Variants in PSMC2 observed in about 807,000 individuals in gnomAD.
The protein encoded by PSMC2 is 26S proteasome regulatory subunit 7.
A neutral mutation model predicts 53.3 loss-of-function variants in PSMC2; 7 were observed. The observed-to-expected ratio is 0.13, with a 90% confidence interval of 0.07 to 0.25. The LOEUF (loss-of-function observed/expected upper bound fraction) is 0.25. Ranked by LOEUF, PSMC2 falls within the 10% of genes least tolerant of loss-of-function variation. PSMC2 has a pLI of 1.00. For missense variants in PSMC2, 241 were observed against 544.0 expected (o/e 0.44, Z 5.54); for synonymous variants, 169 against 183.9 (o/e 0.92, Z 0.66).
chr7:103,348,761 A>T, intron 1 of PSMC2: 1 of 1,090,962 alleles, frequency 9.2e-7, no homozygotes, highest in Non-Finnish European at 1.4e-6. Flanking sequence ...GGTTTCATTA[A>T]GTTGGACTAA....
At position 103,364,132 on chromosome 7, in the gene PSMC2, C is replaced by T. The variant is rs1563494674; in HGVS notation, c.592-11C>T. On this transcript the variant is annotated splice_polypyrimidine_tract_variant and intron_variant, in intron 7 of 11. Coordinates refer to ENST00000292644, the MANE Select transcript of PSMC2 (RefSeq NM_002803.4). ...GAAGTGGTAAGTGTGAAAATTGTGT[C>T]TCTATCACAGCCAGAGAGGTTTGTG... The T allele has an allele frequency of 6.2e-7, 1 of 1,611,118 alleles. No individual in the cohort carries two copies. The highest frequency in any genetic ancestry group is 1.1e-5 in the South Asian group (1 of 90,340).
intron 4 of PSMC2, among the ~76,000 whole-genome samples, chr7:103,358,846 A>C (rs1222875408): frequency 6.6e-6 from 1 of 152,178 alleles, no homozygotes; most frequent in Non-Finnish European, 1.5e-5. Flanking sequence ...AGACTAGCTA[A>C]AGAGCCCTAT....
chr7:103,366,366 C>T (rs1820719924), intron 9 of PSMC2, among the ~76,000 whole-genome samples: 1 of 152,108 alleles, frequency 6.6e-6, no homozygotes, highest in Non-Finnish European at 1.5e-5. Context: ...GTCATTTTTT[C>T]AAAGCCTTTA....
At chr7:103,359,928 A>T (rs1042189320) in intron 4 of PSMC2, among the ~76,000 whole-genome samples, 2 of 151,976 alleles carry the variant, frequency 1.3e-5, no homozygotes, top group East Asian at 3.9e-4. Context: ...AAAATATAAA[A>T]ATATTAGCTG....
chr7:103,355,404 G>T (rs1040184224), intron 3 of PSMC2, among the ~76,000 whole-genome samples: 2 of 152,136 alleles, frequency 1.3e-5, no homozygotes, highest in Non-Finnish European at 2.9e-5. Context: ...TTACTTTAGG[G>T]CAGGGTGTAG....
chr7:103,354,737 T>C (rs1465297423), intron 2 of PSMC2, 131 bp from the exon 3 acceptor site: 5 of 617,700 alleles, frequency 8.1e-6, no homozygotes, highest in African/African-American at 1.9e-5. Flanking sequence ...GGGTCAGGAA[T>C]ACCTCTCTAC....
chr7:103,362,114 C>G lies in PSMC2; in HGVS notation c.422+26C>G, dbSNP rs774771481. 2.2e-5 allele frequency: 35 copies of G among 1,610,658 alleles called. No homozygotes were observed. In the South Asian group the frequency reaches 3.5e-4, roughly 16 times the overall value. On this transcript the variant is annotated intron_variant, in intron 5 of 11. Coordinates refer to ENST00000292644, the MANE Select transcript of PSMC2 (RefSeq NM_002803.4). ...GTAAGATTTCTATTTACAATAAATACTTTTCTTTCACTAAGGATACTGTCT... is the reference window on the plus strand; with the variant it reads ...GTAAGATTTCTATTTACAATAAATAGTTTTCTTTCACTAAGGATACTGTCT...
intron 4 of PSMC2, among the ~76,000 whole-genome samples, chr7:103,361,336 T>TG (rs1554574596): frequency 2.5e-4 from 30 of 120,824 alleles, no homozygotes; most frequent in Admixed American, 2.4e-3. Context: ...CCCTCTCTAC[T>TG]AAAAAAAAAA....
chr7:103,354,832 C>G, intron 2 of PSMC2, 36 bp from the exon 3 acceptor site: 8 of 1,335,268 alleles, frequency 6.0e-6, no homozygotes, highest in Non-Finnish European at 7.5e-6. Flanking sequence ...TGGTTGATAT[C>G]CTGATATTCT....
chr7:103,357,400 T>C (rs1222231705), intron 4 of PSMC2, among the ~76,000 whole-genome samples: 3 of 152,106 alleles, frequency 2.0e-5, no homozygotes, highest in African/African-American at 7.2e-5. Flanking sequence ...TCTTCCCTAA[T>C]GACACTCATT....
At chr7:103,356,879 A>G (rs1336626573) in intron 4 of PSMC2, among the ~76,000 whole-genome samples, 1 of 152,202 alleles carries the variant, frequency 6.6e-6, no homozygotes, top group Non-Finnish European at 1.5e-5. Flanking sequence ...TCTGTTTATA[A>G]TCCTTTTAAA....
intron 4 of PSMC2, among the ~76,000 whole-genome samples, chr7:103,357,306 G>A (rs1169620177): frequency 2.7e-5 from 4 of 146,126 alleles, no homozygotes; most frequent in South Asian, 4.3e-4. Flanking sequence ...AGCCTGGGGT[G>A]ACAGAGTGAT....
At position 103,369,246 on chromosome 7, in the gene PSMC2, C is replaced by T. The variant is rs200182916; in HGVS notation, c.*1192C>T. 6.6e-6 allele frequency: 1 copy of T among 152,084 alleles called. No individual in the cohort carries two copies. The highest frequency in any genetic ancestry group is 1.5e-5 in the Non-Finnish European group (1 of 68,018). 9.4% of individuals were successfully genotyped at this position (152,084 alleles called of 1,614,324 possible). A position where few individuals can be genotyped will look rare whatever the true frequency, so the allele number is the denominator to read the frequency against. ...TATGAACTTGATCAGAAAAATTCATCTTTTTTAACCCTGCCCTAATTTTTC... is the reference window on the plus strand; with the variant it reads ...TATGAACTTGATCAGAAAAATTCATTTTTTTTAACCCTGCCCTAATTTTTC... On this transcript the variant is annotated 3_prime_UTR_variant, in exon 12 of 12. Transcript: ENST00000292644.
intron 1 of PSMC2, among the ~76,000 whole-genome samples, chr7:103,351,668 T>C (rs1339004894): frequency 6.6e-6 from 1 of 152,206 alleles, no homozygotes; most frequent in East Asian, 1.9e-4. Flanking sequence ...ACCAACCTTA[T>C]AAGCAGGCCT....
At chr7:103,356,376 C>A (rs984588979) in intron 4 of PSMC2, among the ~76,000 whole-genome samples, 1 of 152,112 alleles carries the variant, frequency 6.6e-6, no homozygotes. Flanking sequence ...TAGCTTACTA[C>A]AAGTGGAATT....
intron 1 of PSMC2, among the ~76,000 whole-genome samples, chr7:103,348,141 C>T (rs1435941954): frequency 6.6e-6 from 1 of 152,132 alleles, no homozygotes; most frequent in Non-Finnish European, 1.5e-5. Context: ...GGAGCTGTCA[C>T]TGTGTAGCCA....
intron 3 of PSMC2, among the ~76,000 whole-genome samples, 190 bp downstream of exon 3, chr7:103,355,139 A>T (rs530483316): frequency 2.0e-5 from 3 of 152,350 alleles, no homozygotes; most frequent in South Asian, 4.1e-4. Context: ...TTTAATGCTT[A>T]TGCAGTTAAG....
At position 103,367,387 on chromosome 7, in the gene PSMC2, GCTTATCTTTC is replaced by G. The variant is rs748568091; in HGVS notation, c.845-22_845-13del. On this transcript the variant is annotated splice_polypyrimidine_tract_variant and intron_variant, in intron 9 of 11. Coordinates refer to ENST00000292644, the MANE Select transcript of PSMC2 (RefSeq NM_002803.4). The surrounding 1 kb of genome is among the most constrained non-coding windows in gnomAD (Gnocchi z 6.1). ...TGCTACTCTTGAGTGGACTTGAAGA[GCTTATCTTTC>G]CTTTTGTCTTCTCAGGGGCTCGTTT... is the stretch of plus-strand genomic sequence containing the variant. 4.3e-6 allele frequency: 7 copies of G among 1,610,946 alleles called. 1 individual carries two copies. The South Asian group carries it at 4.4e-5, about 10-fold the overall frequency.
At position 103,364,070 on chromosome 7, in the gene PSMC2, TTTG is replaced by T. The variant is rs547017233; in HGVS notation, c.592-69_592-67del. On this transcript the variant is annotated intron_variant, in intron 7 of 11. Coordinates refer to ENST00000292644, the MANE Select transcript of PSMC2 (RefSeq NM_002803.4). The stretch of plus-strand genomic sequence containing the variant: ...GATAAAATACTAAACATAAAAGCAC[TTTG>T]TTGATTTAGAAGTAGTCTGATTTTT... 1.1e-4 allele frequency: 152 copies of T among 1,426,858 alleles called. No individual in the cohort carries two copies. The East Asian group carries it at 3.2e-3, about 30-fold the overall frequency. The allele number at this position is 1,426,858 out of a possible 1,614,324, so 88.4% of individuals were successfully genotyped here. A position where few individuals can be genotyped will look rare whatever the true frequency, so the allele number is the denominator to read the frequency against.
Sources: gnomAD v4.1 joint callset for allele counts (sites outside exome capture counted in the v4.1 genomes callset) on GRCh38, gnomAD v4.1.1 for gene constraint, Gnocchi (gnomAD v3.1) non-coding constraint, MANE v1.5 for transcripts, NCBI Gene and HGNC (gene_info 2026-07-23, HGNC 2026-07-21) for gene names.